The following DMXL2 variants were observed in gnomAD, a reference collection of about 807,000 sequenced individuals.
DMXL2 encodes the protein dmX-like protein 2.
In DMXL2, 103 loss-of-function variants were observed where a neutral mutation model predicts 331.1. The observed-to-expected ratio is 0.31, with a 90% CI of 0.27 to 0.37. The LOEUF (loss-of-function observed/expected upper bound fraction) is 0.37. Among genes scored for constraint, DMXL2 ranks in the 10% least tolerant of loss-of-function variants. The pLI, the probability that DMXL2 is intolerant of heterozygous loss-of-function variation, is 1.00. For synonymous variants in DMXL2, 1,281 were observed against 1,252.1 expected, an observed-to-expected ratio of 1.02 and a Z score of -0.49; for missense variants, 3,171 against 3,642.9, an observed-to-expected ratio of 0.87 and a Z score of 3.33.
chr15:51,591,129 C>T (rs555273024), intron 1 of DMXL2, among the ~76,000 whole-genome samples: 8 of 152,300 alleles, frequency 5.3e-5, no homozygotes, highest in Non-Finnish European at 7.4e-5. Context: ...CGAAGCAGGG[C>T]GAGGCATCGC....
intron 13 of DMXL2, among the ~76,000 whole-genome samples, chr15:51,525,773 C>G (rs1277940287): frequency 6.6e-6 from 1 of 152,000 alleles, no homozygotes; most frequent in Non-Finnish European, 1.5e-5. Context: ...CCAGCTCGGC[C>G]ACAGTACAAT....
rs745480045 is a variant in DMXL2, at chr15:51,499,081, T to C, written c.4143A>G (p.Ile1381Met). Residue 1381 changes from isoleucine (I) to methionine (M), a missense_variant, in exon 18 of 44, where the codon ATA (isoleucine) becomes ATG (methionine). Around this residue, in one of 7 missense-constraint regions of DMXL2, gnomAD observed 1,674 missense variants for 1,780.2 expected, o/e 0.94. Transcript: ENST00000560891. ...CTTCTCCAGCATCAGGATCTCTAAC[T>C]ATTGCTACTTCACCTGCAATACATT... ...LVKCIAGEVA[I>M]VRDPDAGEGT... is the part of the protein sequence containing the mutation. 2 of 1,613,946 alleles carry C rather than the reference T, an allele frequency of 1.2e-6. No individual in the cohort carries two copies. Among genetic ancestry groups the C allele is most frequent in the African/African-American group, 1.3e-5 (1 of 74,936 alleles).
rs2041998107 is a variant in DMXL2 at position 51,481,347 on chromosome 15, T to C, written c.5759A>G (p.Lys1920Arg). ...KVTKTSALSA[K>R]KDQPDFISHR... Reference sequence around the variant, plus strand: ...AGAAATGAAGTCAGGCTGATCTTTTTTTGCAGATAAGGCAGATGTTTTGGT... The same window carrying C: ...AGAAATGAAGTCAGGCTGATCTTTTCTTGCAGATAAGGCAGATGTTTTGGT... Residue 1920 changes from lysine to arginine, a missense_variant, in exon 24 of 44, where the codon AAA (lysine) becomes AGA (arginine). By Grantham distance (26) the Lys-to-Arg change is conservative. Transcript: ENST00000560891. 3 of 1,614,116 alleles carry C rather than the reference T, an allele frequency of 1.9e-6. No homozygotes were observed. The highest frequency in any genetic ancestry group is 2.5e-6 in the Non-Finnish European group (3 of 1,180,000).
rs778425893 is a variant in DMXL2, at chr15:51,458,547, T to A, written c.8157A>T (p.Ser2719=). 6.2e-7 allele frequency: 1 copy of A among 1,613,834 alleles called. No homozygotes were observed. The highest frequency in any genetic ancestry group is 8.5e-7 in the Non-Finnish European group (1 of 1,179,860). ...CATATTCTTCTCCGATCCATATGTA[T>A]GACTGACAGGCCAGTAGAGAAGTAA... ...LDVTSLLACQ[S]YIWIGEEYDR... The change falls in exon 36 of 44, where the codon TCA becomes TCT. Residue 2719 remains serine, a synonymous_variant. Transcript: ENST00000560891.
chr15:51,537,119 G>A (rs537129903), intron 11 of DMXL2, among the ~76,000 whole-genome samples: 2 of 152,176 alleles, frequency 1.3e-5, no homozygotes, highest in Non-Finnish European at 2.9e-5. Context: ...TAGCAATAAA[G>A]TTGAGAGAGA....
chr15:51,601,306 A>C lies in DMXL2; in HGVS notation c.87+21153T>G, dbSNP rs528456613. 4.8e-3 allele frequency among the ~76,000 whole-genome samples: 730 copies of C among 151,474 alleles called. 9 individuals are homozygous for C. The highest frequency in any genetic ancestry group is 0.01 in the Middle Eastern group (3 of 294). On this transcript the variant is annotated intron_variant, in intron 1 of 43. Coordinates refer to ENST00000560891, the MANE Select transcript of DMXL2 (RefSeq NM_001378457.1). ...ACTCCATCTCAAAAAAAAAAAAAAA[A>C]ATTTGATGTTTTAAGAAATCTTTTG...
At chr15:51,517,230 C>T in intron 13 of DMXL2, 63 bp from the exon 14 acceptor site, 1 of 1,261,186 alleles carries the variant, frequency 7.9e-7, no homozygotes, top group South Asian at 1.2e-5. Flanking sequence ...CAATATGATA[C>T]AGCATCTTGG....
intron 1 of DMXL2, among the ~76,000 whole-genome samples, chr15:51,610,370 T>C (rs377709081): frequency 6.6e-5 from 10 of 152,216 alleles, no homozygotes; most frequent in African/African-American, 1.9e-4. Flanking sequence ...AGAAAAGCGG[T>C]AAAGTTTTAG....
chr15:51,501,849 G>A (rs146129987), intron 17 of DMXL2, among the ~76,000 whole-genome samples: 9 of 151,048 alleles, frequency 6.0e-5, no homozygotes, highest in Non-Finnish European at 8.8e-5. Context: ...GAACCTGGGA[G>A]GCGAAGCTTG....
At chr15:51,512,620 G>A (rs1463645766) in intron 15 of DMXL2, among the ~76,000 whole-genome samples, 1 of 152,090 alleles carries the variant, frequency 6.6e-6, no homozygotes, top group Non-Finnish European at 1.5e-5. Context: ...GACCAACCTG[G>A]CCAATGGGGT....
chr15:51,458,511 G>C lies in DMXL2; in HGVS notation c.8193C>G (p.Ser2731=), dbSNP rs1595888357. ...IWIGEEYDRE[S]KSSDDVDYRG... ...AAAGTGACTATGAGACAAACCTTTTGGATTCTCTGTCATATTCTTCTCCGA... is the reference window on the plus strand; with the variant it reads ...AAAGTGACTATGAGACAAACCTTTTCGATTCTCTGTCATATTCTTCTCCGA... Residue 2731 remains serine (S), a synonymous_variant, in exon 36 of 44, where the codon TCC becomes TCG. Coordinates refer to ENST00000560891, the MANE Select transcript of DMXL2 (RefSeq NM_001378457.1). The C allele has an allele frequency of 6.2e-7, 1 of 1,613,260 alleles. No individual in the cohort carries two copies. The highest frequency in any genetic ancestry group is 8.5e-7 in the Non-Finnish European group (1 of 1,179,662).
At position 51,535,557 on chromosome 15, in the gene DMXL2, T is replaced by C. The variant is rs1234272906; in HGVS notation, c.2436+106A>G. On this transcript the variant is annotated intron_variant, in intron 13 of 43. Coordinates refer to ENST00000560891, the MANE Select transcript of DMXL2 (RefSeq NM_001378457.1). ...TATATGTCATATGCAGCCCAGAACA[T>C]ATACTTACTCCCTAAACAGCAACTA... is the stretch of plus-strand genomic sequence containing the variant. The C allele has an allele frequency of 4.8e-6, 5 of 1,044,738 alleles. No individual in the cohort carries two copies. In the African/African-American group the frequency reaches 4.9e-5, roughly 10 times the overall value. 64.7% of individuals were successfully genotyped at this position (1,044,738 alleles called of 1,614,324 possible).
intron 36 of DMXL2, 51 bp from the exon 37 acceptor site, chr15:51,457,517 C>G (rs771673846): frequency 3.1e-6 from 5 of 1,590,084 alleles, no homozygotes; most frequent in Non-Finnish European, 4.3e-6. Context: ...TCTCTTAACA[C>G]AAATTCCAAC....
At chr15:51,539,008 G>A (rs1009099128) in intron 9 of DMXL2, among the ~76,000 whole-genome samples, 7 of 151,946 alleles carry the variant, frequency 4.6e-5, no homozygotes, top group Admixed American at 3.9e-4. Context: ...TCAGGAGATC[G>A]AGACCAGCCT....
At chr15:51,457,132 A>G (rs1371518444) in intron 37 of DMXL2, among the ~76,000 whole-genome samples, 196 bp downstream of exon 37, 1 of 152,214 alleles carries the variant, frequency 6.6e-6, no homozygotes, top group African/African-American at 2.4e-5. Flanking sequence ...AAATTGCACC[A>G]CTGCACTCCA....
intron 3 of DMXL2, among the ~76,000 whole-genome samples, chr15:51,566,503 G>C (rs1438150914): frequency 6.6e-6 from 1 of 151,976 alleles, no homozygotes; most frequent in South Asian, 2.1e-4. Context: ...TGCAATCTGT[G>C]GAGCAACTAC....
intron 14 of DMXL2, 146 bp from the exon 15 acceptor site, chr15:51,514,705 C>T (rs1596078855): frequency 1.7e-6 from 1 of 579,960 alleles, no homozygotes; most frequent in Non-Finnish European, 3.0e-6. Context: ...AAGAAAAAAG[C>T]AACAGAAGAG....
chr15:51,548,213 A>T (rs1479572373), intron 6 of DMXL2, among the ~76,000 whole-genome samples: 1 of 152,166 alleles, frequency 6.6e-6, no homozygotes, highest in East Asian at 1.9e-4. Flanking sequence ...ACTGCATTAA[A>T]GGGAAATAAT....
At chr15:51,608,513 A>G (rs2053745670) in intron 1 of DMXL2, among the ~76,000 whole-genome samples, 1 of 152,206 alleles carries the variant, frequency 6.6e-6, no homozygotes, top group South Asian at 2.1e-4. Context: ...ACCAAATACC[A>G]CATATTCTCA....
Sources: gnomAD v4.1 joint callset for allele counts (sites outside exome capture counted in the v4.1 genomes callset) on GRCh38, gnomAD v4.1.1 for gene constraint, gnomAD v4.1.1 regional missense constraint, MANE v1.5 for transcripts, NCBI Gene and HGNC (gene_info 2026-07-23, HGNC 2026-07-21) for gene names.